The following THRB variants were observed in gnomAD, a reference collection of about 807,000 sequenced individuals.
The protein encoded by THRB is thyroid hormone receptor beta.
In THRB, 12 loss-of-function variants were observed where a neutral mutation model predicts 47.8. The observed-to-expected ratio is 0.25, with a 90% CI of 0.16 to 0.41. The LOEUF (loss-of-function observed/expected upper bound fraction) is 0.41. Among genes scored for constraint, THRB ranks in the 10% least tolerant of loss-of-function variants. The pLI is 1.00. For synonymous variants in THRB, 218 were observed against 212.2 expected (o/e 1.03, Z -0.24); for missense variants, 348 against 589.2 (o/e 0.59, Z 4.24).
At chr3:24,357,702 C>T (rs749606469) in intron 1 of THRB, among the ~76,000 whole-genome samples, 1 of 152,038 alleles carries the variant, frequency 6.6e-6, no homozygotes, top group African/African-American at 2.4e-5. Flanking sequence ...GAGGGGGTTA[C>T]ACAGTATTCC....
chr3:24,161,617 AACACACACACACAC>A (rs58600238), intron 5 of THRB, among the ~76,000 whole-genome samples: 2 of 141,100 alleles, frequency 1.4e-5, no homozygotes, highest in Admixed American at 7.1e-5. Flanking sequence ...AGAGCTACAG[AACACACACACACAC>A]ACACACACAC....
chr3:24,251,664 AC>A (rs2150366162), intron 3 of THRB, among the ~76,000 whole-genome samples: 1 of 152,126 alleles, frequency 6.6e-6, no homozygotes, highest in African/African-American at 2.4e-5. Flanking sequence ...CATGGGAAAA[AC>A]TTAAACACTG....
At chr3:24,495,300 C>G (rs1344193353), upstream of THRB, 2 of 4,366 alleles carry the variant, frequency 4.6e-4, no homozygotes, top group East Asian at 0.034. Context: ...TGGCGCACAC[C>G]CCGCCGCCGC....
intron 1 of THRB, among the ~76,000 whole-genome samples, chr3:24,387,182 T>A (rs2066187906): frequency 6.6e-6 from 1 of 152,136 alleles, no homozygotes; most frequent in Admixed American, 6.6e-5. Context: ...CAAAACCACA[T>A]CTTAATCATC....
At chr3:24,208,774 G>A (rs1575895192) in intron 4 of THRB, among the ~76,000 whole-genome samples, 2 of 152,068 alleles carry the variant, frequency 1.3e-5, no homozygotes, top group African/African-American at 2.4e-5. Flanking sequence ...AATGCCATTC[G>A]GGACATAGGC....
chr3:24,469,479 AG>A (rs2074399062), intron 1 of THRB, among the ~76,000 whole-genome samples: 1 of 152,224 alleles, frequency 6.6e-6, no homozygotes, highest in Admixed American at 6.5e-5. Flanking sequence ...AGGGAACCCT[AG>A]ACAAGCTTTT....
intron 8 of THRB, among the ~76,000 whole-genome samples, chr3:24,140,012 T>G (rs2035231520): frequency 6.6e-6 from 1 of 152,224 alleles, no homozygotes. Flanking sequence ...AAAAAGCCTG[T>G]TTGGTACATG....
At chr3:24,423,420 G>A (rs761718915) in intron 1 of THRB, among the ~76,000 whole-genome samples, 1 of 151,678 alleles carries the variant, frequency 6.6e-6, no homozygotes, top group African/African-American at 2.4e-5. Context: ...CCAGCACTGA[G>A]ATTTTTTTTT....
chr3:24,339,457 C>G (rs1338406400), intron 1 of THRB, among the ~76,000 whole-genome samples: 2 of 152,112 alleles, frequency 1.3e-5, no homozygotes, highest in Non-Finnish European at 2.9e-5. Flanking sequence ...CAGAAGAGGC[C>G]AGCCAAGAAT....
intron 1 of THRB, among the ~76,000 whole-genome samples, chr3:24,356,398 G>T (rs1057499519): frequency 6.6e-6 from 1 of 152,068 alleles, no homozygotes; most frequent in Non-Finnish European, 1.5e-5. Context: ...GTCTTTGCAG[G>T]CTCTTCTCCC....
upstream of THRB, chr3:24,495,591 T>A (rs552804505): frequency 6.6e-6 from 1 of 152,378 alleles, no homozygotes; most frequent in South Asian, 2.1e-4. Flanking sequence ...CCTGCGCGCA[T>A]AGGTGCGGGT....
chr3:24,432,150 A>T (rs537425544), intron 1 of THRB, among the ~76,000 whole-genome samples: 5 of 152,192 alleles, frequency 3.3e-5, no homozygotes, highest in African/African-American at 4.8e-5. Context: ...CAAGCTTCAT[A>T]GCCTACATAT....
At chr3:24,476,579 C>T (rs565761761) in intron 1 of THRB, among the ~76,000 whole-genome samples, 7 of 152,236 alleles carry the variant, frequency 4.6e-5, no homozygotes, top group East Asian at 1.9e-4. Flanking sequence ...GTATCATTTA[C>T]GGAACCGCAC....
chr3:24,202,790 G>C (rs1359452564), intron 4 of THRB, among the ~76,000 whole-genome samples: 1 of 152,194 alleles, frequency 6.6e-6, no homozygotes, highest in African/African-American at 2.4e-5. Context: ...CCTTGGCTGA[G>C]AGAGCAAAAG....
chr3:24,390,212 A>G (rs1420561259), intron 1 of THRB, among the ~76,000 whole-genome samples: 2 of 152,132 alleles, frequency 1.3e-5, no homozygotes, highest in African/African-American at 4.8e-5. Flanking sequence ...TAGGCACTTT[A>G]TAATTATAAG....
At chr3:24,453,920 A>G (rs568101616) in intron 1 of THRB, among the ~76,000 whole-genome samples, 50 of 152,142 alleles carry the variant, frequency 3.3e-4, no homozygotes, top group Non-Finnish European at 5.9e-4. Flanking sequence ...CAAATCCTCA[A>G]TGTGTCTCAG....
intron 3 of THRB, among the ~76,000 whole-genome samples, chr3:24,281,203 C>T (rs1553690410): frequency 6.6e-6 from 1 of 152,196 alleles, no homozygotes; most frequent in Admixed American, 6.5e-5. Context: ...TCGGGTTACC[C>T]TCAAAGGGAA....
intron 5 of THRB, among the ~76,000 whole-genome samples, chr3:24,157,313 G>GGCTTT (rs2038012262): frequency 6.6e-6 from 1 of 151,962 alleles, no homozygotes. Context: ...TGGCTCGCCA[G>GGCTTT]GCTTTGAACA....
chr3:24,311,765 C>T (rs2057776509), intron 2 of THRB, among the ~76,000 whole-genome samples: 1 of 152,130 alleles, frequency 6.6e-6, no homozygotes, highest in Admixed American at 6.5e-5. Context: ...TATTTCTCAC[C>T]TGGATTATAG....
Sources: gnomAD v4.1 joint callset for allele counts (sites outside exome capture counted in the v4.1 genomes callset) on GRCh38, gnomAD v4.1.1 for gene constraint, MANE v1.5 for transcripts, NCBI Gene and HGNC (gene_info 2026-07-23, HGNC 2026-07-21) for gene names.